The following KCNT1 variants were observed in gnomAD, a reference collection of about 807,000 sequenced individuals.
KCNT1 encodes the protein potassium sodium-activated channel subfamily T member 1.
KCNT1 carries 78 observed loss-of-function variants against 147.8 expected under a neutral mutation model. That is an observed-to-expected ratio of 0.53 (90% CI 0.44 to 0.64). The LOEUF (loss-of-function observed/expected upper bound fraction) is 0.64. Ranked by LOEUF, KCNT1 falls within the 30% of genes least tolerant of loss-of-function variation. The probability of loss-of-function intolerance (pLI) is 0.00; values close to 1 mark genes in which losing one functional copy is unlikely to be tolerated. For missense variants in KCNT1, 1,419 were observed against 1,750.3 expected (o/e 0.81, Z 3.38); for synonymous variants, 867 against 748.8 (o/e 1.16, Z -2.58).
intron 6 of KCNT1, among the ~76,000 whole-genome samples, chr9:135,756,605 C>CT (rs1357709156): frequency 6.6e-6 from 1 of 152,190 alleles, no homozygotes; most frequent in Non-Finnish European, 1.5e-5. Context: ...AGCGTCCTGC[C>CT]TCACCCACTG....
intron 2 of KCNT1, among the ~76,000 whole-genome samples, chr9:135,722,309 C>T (rs560705889): frequency 6.6e-6 from 1 of 152,324 alleles, no homozygotes; most frequent in East Asian, 1.9e-4. Flanking sequence ...GCCGGCACAG[C>T]GGGGCACACG....
chr9:135,723,716 G>T (rs906297150), intron 2 of KCNT1, among the ~76,000 whole-genome samples: 2 of 152,170 alleles, frequency 1.3e-5, no homozygotes, highest in East Asian at 3.9e-4. Context: ...GGGAAGTGCC[G>T]TGTCCCAGGG....
At chr9:135,763,918 G>A (rs1832082012) in intron 11 of KCNT1, among the ~76,000 whole-genome samples, 1 of 152,102 alleles carries the variant, frequency 6.6e-6, no homozygotes, top group African/African-American at 2.4e-5. Flanking sequence ...CGTGAGCCCT[G>A]GGGTGTCTGA....
At chr9:135,788,620 G>A (rs1417356740) in intron 29 of KCNT1, among the ~76,000 whole-genome samples, 2 of 152,194 alleles carry the variant, frequency 1.3e-5, no homozygotes, top group African/African-American at 4.8e-5. Flanking sequence ...GGCCCCGGGA[G>A]GAGCTCGGTG....
At chr9:135,716,645 C>A (rs987446024) in intron 2 of KCNT1, among the ~76,000 whole-genome samples, 2 of 152,186 alleles carry the variant, frequency 1.3e-5, no homozygotes, top group Non-Finnish European at 2.9e-5. Flanking sequence ...TGCATTCTAG[C>A]GGTCTTGGCG....
At chr9:135,786,027 G>C (rs1834016643) in intron 28 of KCNT1, 170 bp from the exon 29 acceptor site, 2 of 614,500 alleles carry the variant, frequency 3.3e-6, no homozygotes, top group Admixed American at 3.0e-5. Context: ...GAGGAGGAAG[G>C]CACATGCACC....
chr9:135,769,960 T>C lies in KCNT1; in HGVS notation c.1524T>C (p.Cys508=), dbSNP rs1328119218. The change falls in exon 16 of 31, where the codon TGT becomes TGC. Residue 508 remains cysteine, a synonymous_variant. Coordinates refer to ENST00000371757, the MANE Select transcript of KCNT1 (RefSeq NM_020822.3). ...FHVKFADHVV[C]EEECKYAMLA... ...CACTGCCCGCAGACCACGTGGTGTG[T>C]GAGGAGGAGTGCAAGTACGCCATGC... 3.2e-6 allele frequency: 5 copies of C among 1,552,358 alleles called. No homozygotes were observed. The Admixed American group carries it at 7.8e-5, about 24-fold the overall frequency.
intron 2 of KCNT1, among the ~76,000 whole-genome samples, chr9:135,717,551 G>A (rs1362452032): frequency 6.6e-6 from 1 of 152,152 alleles, no homozygotes; most frequent in African/African-American, 2.4e-5. Context: ...GTACAGGAGT[G>A]GGCAACTTTC....
rs1364680122 is a variant in KCNT1, at chr9:135,757,530, T to C, written c.759+149T>C. On this transcript the variant is annotated intron_variant, in intron 9 of 30. Coordinates refer to ENST00000371757, the MANE Select transcript of KCNT1 (RefSeq NM_020822.3). ...GGAAGCCAGGGCAGCAGAAACTCTG[T>C]CTCTGCTCCTGGAAAACATCCAAGC... 1.8e-5 allele frequency: 12 copies of C among 685,554 alleles called. No individual in the cohort carries two copies. The Admixed American group carries it at 1.9e-4, about 11-fold the overall frequency. 42.5% of individuals were successfully genotyped at this position (685,554 alleles called of 1,614,324 possible). A position where few individuals can be genotyped will look rare whatever the true frequency, so the allele number is the denominator to read the frequency against.
At chr9:135,789,899 G>T (rs553453596) in intron 29 of KCNT1, 158 of 152,416 alleles carry the variant, frequency 1.0e-3, no homozygotes, top group Admixed American at 2.2e-3. Flanking sequence ...CGCGAAGCTA[G>T]TCCTCTGCGA....
At chr9:135,746,445 C>A (rs1830837821) in intron 2 of KCNT1, among the ~76,000 whole-genome samples, 1 of 152,214 alleles carries the variant, frequency 6.6e-6, no homozygotes, top group South Asian at 2.1e-4. Context: ...CGCGACTAGT[C>A]CCAGACCAGC....
intron 28 of KCNT1, 127 bp downstream of exon 28, chr9:135,785,457 G>A: frequency 8.2e-7 from 1 of 1,217,718 alleles, no homozygotes; most frequent in South Asian, 1.3e-5. Context: ...CGAGGCAGGA[G>A]CGGGTCCCAC....
chr9:135,739,671 C>T (rs1267984133), intron 2 of KCNT1, among the ~76,000 whole-genome samples: 2 of 152,244 alleles, frequency 1.3e-5, no homozygotes, highest in Admixed American at 6.5e-5. Context: ...CCCAGGAGGG[C>T]CCCTCCTGAG....
At position 135,770,068 on chromosome 9, in the gene KCNT1, T is replaced by TGCCCCGG. The variant is rs1171227778; in HGVS notation, c.1619+15_1619+21dup. The TGCCCCGG allele has an allele frequency of 1.9e-6, 3 of 1,544,002 alleles. No homozygotes were observed. Among genetic ancestry groups the TGCCCCGG allele is most frequent in the South Asian group, 2.4e-5 (2 of 83,878 alleles). On this transcript the variant is annotated intron_variant, in intron 16 of 30. Transcript: ENST00000371757. ...CGTCCCGCGGCCAGTGAGTGCCCCGTGCCCCGGGGGACCGACCTCCATGGC... is the reference window on the plus strand; with the variant it reads ...CGTCCCGCGGCCAGTGAGTGCCCCGTGCCCCGGGCCCCGGGGGACCGACCTCCATGGC...
chr9:135,737,062 A>G (rs555847937), intron 2 of KCNT1: 7 of 217,232 alleles, frequency 3.2e-5, no homozygotes, highest in East Asian at 2.6e-4. Context: ...GCTCTGTGCC[A>G]GGCACTGGGG....
rs1386172153 is a variant in KCNT1 at position 135,714,359 on chromosome 9, C to T, written c.111-218C>T. The T allele has an allele frequency of 6.5e-6, 1 of 153,110 alleles. No homozygotes were observed. The highest frequency in any genetic ancestry group is 2.4e-5 in the African/African-American group (1 of 41,338). 9.5% of individuals were successfully genotyped at this position (153,110 alleles called of 1,614,324 possible). A position where few individuals can be genotyped will look rare whatever the true frequency, so the allele number is the denominator to read the frequency against. ...TTGGAGGGAGCCCCGCCCCCTGCCC[C>T]TGCGCAGCCCCCGCCCTAGCCCCAG... On this transcript the variant is annotated intron_variant, in intron 1 of 30. Coordinates refer to ENST00000371757, the MANE Select transcript of KCNT1 (RefSeq NM_020822.3). This position sits in a 1 kb window ranked among gnomAD's most constrained non-coding sequence, Gnocchi z 6.2.
intron 17 of KCNT1, 136 bp from the exon 18 acceptor site, chr9:135,770,721 C>A: frequency 1.1e-6 from 1 of 928,660 alleles, no homozygotes; most frequent in South Asian, 1.7e-5. Context: ...CAGCCAAGGT[C>A]CCTGACCCCA....
chr9:135,791,674 C>A, intron 29 of KCNT1, 123 bp from the exon 30 acceptor site: 1 of 809,382 alleles, frequency 1.2e-6, no homozygotes, highest in South Asian at 1.5e-5. Flanking sequence ...GGTGCTGGAG[C>A]AGAATGGTCA....
At chr9:135,738,120 G>A (rs538837156) in intron 2 of KCNT1, among the ~76,000 whole-genome samples, 6 of 152,328 alleles carry the variant, frequency 3.9e-5, no homozygotes, top group African/African-American at 9.6e-5. Context: ...CCCAGGCTGC[G>A]TCTGAGCCCG....
Sources: gnomAD v4.1 joint callset for allele counts (sites outside exome capture counted in the v4.1 genomes callset) on GRCh38, gnomAD v4.1.1 for gene constraint, Gnocchi (gnomAD v3.1) non-coding constraint, MANE v1.5 for transcripts, NCBI Gene and HGNC (gene_info 2026-07-23, HGNC 2026-07-21) for gene names.